Variants in RPS6KC1 observed in about 807,000 individuals in gnomAD.
RPS6KC1 encodes ribosomal protein S6 kinase C1, also known as inactive ribosomal protein S6 kinase delta-1.
A neutral mutation model predicts 103.8 loss-of-function variants in RPS6KC1; 54 were observed. That is an observed-to-expected ratio of 0.52 (90% CI 0.42 to 0.65). RPS6KC1 has a LOEUF of 0.65. Ranked by LOEUF, RPS6KC1 falls within the 30% of genes least tolerant of loss-of-function variation. The pLI is 0.00. For synonymous variants in RPS6KC1, 439 were observed against 438.7 expected (o/e 1.00, Z -0.01); for missense variants, 1,151 against 1,253.8 (o/e 0.92, Z 1.24).
chr1:213,287,137 A>G, the RPS6KC1 span, among the ~76,000 whole-genome samples: 1 of 152,220 alleles, frequency 6.6e-6, no homozygotes, highest in African/African-American at 2.4e-5. Flanking sequence ...TAAAATGCAA[A>G]GAAATGAGAA....
chr1:213,146,406 G>A lies in RPS6KC1; in HGVS notation c.835+16517G>A, dbSNP rs561954646. ...GATTTCCTTTCTTTGGAGTGTATGC[G>A]TAGCAGTGGGATTGCAATTTTTTTT... On this transcript the variant is annotated intron_variant, in intron 6 of 14. Coordinates refer to ENST00000366960, the MANE Select transcript of RPS6KC1 (RefSeq NM_012424.6). Among the ~76,000 whole-genome samples the A allele has an allele frequency of 4.7e-4, 71 of 151,536 alleles. No individual in the cohort carries two copies. The Middle Eastern group carries it at 0.014, about 29-fold the overall frequency.
the RPS6KC1 span, among the ~76,000 whole-genome samples, chr1:213,752,091 A>G: frequency 6.6e-6 from 1 of 152,224 alleles, no homozygotes; most frequent in Admixed American, 6.5e-5. Flanking sequence ...GCTTTCATTC[A>G]TAGTAGCATT....
At chr1:213,536,583 A>G in the RPS6KC1 span, among the ~76,000 whole-genome samples, 78 of 152,166 alleles carry the variant, frequency 5.1e-4, 1 homozygote, top group South Asian at 2.1e-4. Context: ...AAGACAGGAA[A>G]GTGGGGCAAC....
the RPS6KC1 span, among the ~76,000 whole-genome samples, chr1:213,461,016 A>T: frequency 6.6e-6 from 1 of 152,080 alleles, no homozygotes. Flanking sequence ...TGCAGATGAC[A>T]TGATTGTATA....
chr1:213,803,476 A>T, the RPS6KC1 span, among the ~76,000 whole-genome samples: 1 of 151,978 alleles, frequency 6.6e-6, no homozygotes, highest in African/African-American at 2.4e-5. Context: ...CAAACTCCCG[A>T]TCCCAGGTGA....
chr1:213,120,464 C>T (rs2084254785), intron 5 of RPS6KC1, among the ~76,000 whole-genome samples: 1 of 152,084 alleles, frequency 6.6e-6, no homozygotes, highest in Non-Finnish European at 1.5e-5. Flanking sequence ...GGAAGATTTA[C>T]TTCATACCAA....
the RPS6KC1 span, among the ~76,000 whole-genome samples, chr1:213,480,472 C>G: frequency 6.6e-5 from 10 of 151,544 alleles, no homozygotes; most frequent in East Asian, 1.9e-3. Context: ...GCTTATCATA[C>G]ACCTAGCAAT....
At chr1:213,378,404 A>G in the RPS6KC1 span, among the ~76,000 whole-genome samples, 1 of 152,226 alleles carries the variant, frequency 6.6e-6, no homozygotes, top group African/African-American at 2.4e-5. Flanking sequence ...TGAGTGATCA[A>G]TAAATACATT....
the RPS6KC1 span, among the ~76,000 whole-genome samples, chr1:213,569,220 A>G: frequency 2.0e-4 from 30 of 152,164 alleles, no homozygotes; most frequent in African/African-American, 7.2e-4. Flanking sequence ...GACTTGTCTG[A>G]GGTTGTGAGC....
At chr1:213,585,991 G>T in the RPS6KC1 span, among the ~76,000 whole-genome samples, 4 of 152,248 alleles carry the variant, frequency 2.6e-5, no homozygotes, top group East Asian at 7.7e-4. Context: ...TCCCTATCCT[G>T]TTCCCCCCAG....
At chr1:213,145,456 G>A (rs1281339936) in intron 6 of RPS6KC1, among the ~76,000 whole-genome samples, 15 of 152,082 alleles carry the variant, frequency 9.9e-5, no homozygotes, top group Admixed American at 9.2e-4. Flanking sequence ...ACAGAGATTG[G>A]TAGTGTCTCC....
the RPS6KC1 span, among the ~76,000 whole-genome samples, chr1:213,804,520 G>C: frequency 6.6e-6 from 1 of 152,172 alleles, no homozygotes. Context: ...GGCTTGCTCA[G>C]TGTCACTTTC....
chr1:213,611,200 T>A, the RPS6KC1 span, among the ~76,000 whole-genome samples: 1 of 152,228 alleles, frequency 6.6e-6, no homozygotes, highest in African/African-American at 2.4e-5. Context: ...CAACATTTTG[T>A]AATGTTCTGG....
the RPS6KC1 span, among the ~76,000 whole-genome samples, chr1:213,838,412 A>G: frequency 2.6e-5 from 4 of 152,174 alleles, no homozygotes; most frequent in Admixed American, 1.3e-4. Flanking sequence ...TATGGCTGGC[A>G]TGGCCCTTCC....
intron 6 of RPS6KC1, among the ~76,000 whole-genome samples, chr1:213,166,656 A>G (rs1386769339): frequency 1.3e-5 from 2 of 152,148 alleles, no homozygotes; most frequent in African/African-American, 4.8e-5. Flanking sequence ...TGAATTCCTC[A>G]TGAAGGAGAG....
the RPS6KC1 span, among the ~76,000 whole-genome samples, chr1:213,756,481 A>G: frequency 1.3e-5 from 2 of 152,212 alleles, no homozygotes; most frequent in Non-Finnish European, 2.9e-5. Flanking sequence ...TAAAATATAT[A>G]TAAATTGAAG....
chr1:213,496,739 C>T, the RPS6KC1 span, among the ~76,000 whole-genome samples: 3 of 151,984 alleles, frequency 2.0e-5, no homozygotes, highest in Non-Finnish European at 4.4e-5. Context: ...GCCTGGGTGA[C>T]AGAGTGAGAC....
At chr1:213,432,986 A>C in the RPS6KC1 span, among the ~76,000 whole-genome samples, 4 of 152,226 alleles carry the variant, frequency 2.6e-5, no homozygotes, top group African/African-American at 9.6e-5. Flanking sequence ...AATTATCACA[A>C]ATCTAGTGGC....
chr1:213,439,843 G>A, the RPS6KC1 span, among the ~76,000 whole-genome samples: 1 of 152,064 alleles, frequency 6.6e-6, no homozygotes, highest in Non-Finnish European at 1.5e-5. Context: ...GATGGAGCAA[G>A]AGTGGGAGAG....
Sources: gnomAD v4.1 joint callset for allele counts (sites outside exome capture counted in the v4.1 genomes callset) on GRCh38, gnomAD v4.1.1 for gene constraint, MANE v1.5 for transcripts, NCBI Gene and HGNC (gene_info 2026-07-23, HGNC 2026-07-21) for gene names.